Variants in ADAMTS17 observed in about 807,000 individuals in gnomAD.
The protein encoded by ADAMTS17 is ADAM metallopeptidase with thrombospondin type 1 motif 17.
In ADAMTS17, 113 loss-of-function variants were observed where a neutral mutation model predicts 141.5. That is an observed-to-expected ratio of 0.80 (90% CI 0.69 to 0.93). The LOEUF (loss-of-function observed/expected upper bound fraction) is 0.93, where lower values mean the gene tolerates loss of function less well. ADAMTS17 is among the 40% of genes least tolerant of loss of function. The probability of loss-of-function intolerance (pLI) is 0.00; values close to 1 mark genes in which losing one functional copy is unlikely to be tolerated. For synonymous variants in ADAMTS17, 768 were observed against 630.6 expected (o/e 1.22, Z -3.27); for missense variants, 1,659 against 1,517.9 (o/e 1.09, Z -1.54).
chr15:100,085,341 T>C (rs2035028548), intron 15 of ADAMTS17, among the ~76,000 whole-genome samples: 1 of 144,924 alleles, frequency 6.9e-6, no homozygotes, highest in Admixed American at 6.9e-5. Flanking sequence ...TATGGGACTA[T>C]GTGAAAAGAC....
At position 100,060,351 on chromosome 15, in the gene ADAMTS17, G is replaced by A. The variant is rs192896737; in HGVS notation, c.2138-6297C>T. On this transcript the variant is annotated intron_variant, in intron 15 of 21. Coordinates refer to ENST00000268070, the MANE Select transcript of ADAMTS17 (RefSeq NM_139057.4). Reference sequence around the variant, plus strand: ...AGAACAAAACCTTTGCAATGAGCTGGAGTGTGAGGTTACATGCAGAACGTC... The same window carrying A: ...AGAACAAAACCTTTGCAATGAGCTGAAGTGTGAGGTTACATGCAGAACGTC... 1.3e-3 allele frequency among the ~76,000 whole-genome samples: 205 copies of A among 152,342 alleles called. 1 individual carries two copies. The highest frequency in any genetic ancestry group is 4.8e-3 in the African/African-American group (200 of 41,588).
chr15:100,167,409 C>T (rs986686986), intron 8 of ADAMTS17, among the ~76,000 whole-genome samples: 3 of 152,168 alleles, frequency 2.0e-5, no homozygotes, highest in Non-Finnish European at 1.5e-5. Flanking sequence ...TTAATTTACA[C>T]CCAGTTTACC....
intron 13 of ADAMTS17, among the ~76,000 whole-genome samples, chr15:100,114,199 GAACA>G (rs1349526410): frequency 7.1e-6 from 1 of 140,490 alleles, no homozygotes; most frequent in East Asian, 2.1e-4. Flanking sequence ...GGAAAAAAAA[GAACA>G]AAAATACAGC....
chr15:100,111,072 C>T (rs1402203694), intron 13 of ADAMTS17, among the ~76,000 whole-genome samples: 2 of 152,148 alleles, frequency 1.3e-5, no homozygotes, highest in Non-Finnish European at 2.9e-5. Context: ...AAACATCTGC[C>T]CACGAGAAGA....
Position 100,037,404 on chromosome 15 carries a change from C to CT in ADAMTS17, c.2591+11452dup, listed in dbSNP as rs544467796. 3.6e-3 allele frequency among the ~76,000 whole-genome samples: 510 copies of CT among 142,550 alleles called. 2 individuals are homozygous for CT. The highest frequency in any genetic ancestry group is 7.3e-3 in the Middle Eastern group (2 of 274). The allele number at this position is 142,550 out of a possible 152,430, so 93.5% of individuals were successfully genotyped here. A position where few individuals can be genotyped will look rare whatever the true frequency, so the allele number is the denominator to read the frequency against. Reference sequence around the variant, plus strand: ...AGCTGTAGTAGCTCTTTAGGTATTCCTTTTTTTTTTTTTTTCTTCTTTTTG... The same window carrying CT: ...AGCTGTAGTAGCTCTTTAGGTATTCCTTTTTTTTTTTTTTTTCTTCTTTTTG... On this transcript the variant is annotated intron_variant, in intron 18 of 21. Transcript: ENST00000268070.
chr15:100,076,219 T>G (rs929743082), intron 15 of ADAMTS17, among the ~76,000 whole-genome samples: 2 of 152,028 alleles, frequency 1.3e-5, no homozygotes, highest in Admixed American at 6.6e-5. Context: ...ATTTTTGTAT[T>G]TTTAGTAGAG....
At chr15:100,182,855 C>G (rs1021578229) in intron 8 of ADAMTS17, among the ~76,000 whole-genome samples, 5 of 152,166 alleles carry the variant, frequency 3.3e-5, no homozygotes, top group Admixed American at 6.5e-5. Context: ...TAGAGCTTAT[C>G]CTATTTGGGA....
intron 8 of ADAMTS17, among the ~76,000 whole-genome samples, chr15:100,186,113 A>T (rs1172363348): frequency 6.6e-6 from 1 of 152,162 alleles, no homozygotes; most frequent in Non-Finnish European, 1.5e-5. Flanking sequence ...AGGTCCTGGG[A>T]TCAATGAGTA....
At chr15:100,002,748 C>T (rs774696750) in intron 18 of ADAMTS17, among the ~76,000 whole-genome samples, 5 of 152,120 alleles carry the variant, frequency 3.3e-5, no homozygotes, top group Admixed American at 6.6e-5. Context: ...GAGATTCCTG[C>T]AGAGCAGTGA....
intron 7 of ADAMTS17, among the ~76,000 whole-genome samples, chr15:100,224,197 C>T (rs1290601178): frequency 6.6e-6 from 1 of 152,182 alleles, no homozygotes; most frequent in East Asian, 1.9e-4. Flanking sequence ...GTCAAGTTGA[C>T]ACTCGGTATT....
chr15:100,098,580 T>A (rs1407989540), intron 14 of ADAMTS17, among the ~76,000 whole-genome samples: 2 of 151,858 alleles, frequency 1.3e-5, no homozygotes, highest in Admixed American at 1.3e-4. Context: ...GGAGAGTAGC[T>A]TGAACCTGGG....
intron 2 of ADAMTS17, among the ~76,000 whole-genome samples, chr15:100,334,949 T>C (rs1393069342): frequency 1.3e-5 from 2 of 151,978 alleles, no homozygotes; most frequent in Non-Finnish European, 2.9e-5. Flanking sequence ...CCTGGTCACC[T>C]CCCTGCTCTA....
At chr15:100,191,662 T>G (rs1213322861) in intron 8 of ADAMTS17, among the ~76,000 whole-genome samples, 1 of 152,226 alleles carries the variant, frequency 6.6e-6, no homozygotes, top group Non-Finnish European at 1.5e-5. Flanking sequence ...AGTAGGGCCA[T>G]TTAGACAGAG....
At chr15:100,187,173 G>A (rs558119068) in intron 8 of ADAMTS17, among the ~76,000 whole-genome samples, 1 of 152,300 alleles carries the variant, frequency 6.6e-6, no homozygotes, top group African/African-American at 2.4e-5. Flanking sequence ...GACTTGCTGG[G>A]CCATTGAGAC....
chr15:100,292,619 C>G (rs2044684814), intron 3 of ADAMTS17, among the ~76,000 whole-genome samples: 1 of 152,198 alleles, frequency 6.6e-6, no homozygotes, highest in Non-Finnish European at 1.5e-5. Context: ...ATACTAACCC[C>G]ATGTGCACAG....
chr15:100,281,180 C>T, intron 4 of ADAMTS17, 49 bp downstream of exon 4: 1 of 1,597,892 alleles, frequency 6.3e-7, no homozygotes, highest in Non-Finnish European at 8.5e-7. Flanking sequence ...GATCTCTCAT[C>T]AAGGAGAAAA....
chr15:100,242,576 T>A (rs2141903238), intron 7 of ADAMTS17, among the ~76,000 whole-genome samples: 1 of 152,146 alleles, frequency 6.6e-6, no homozygotes, highest in East Asian at 1.9e-4. Context: ...CACTGCAGCC[T>A]CTCCCATCCT....
chr15:100,253,080 C>T (rs1344333838), intron 7 of ADAMTS17, among the ~76,000 whole-genome samples: 1 of 151,878 alleles, frequency 6.6e-6, no homozygotes, highest in Non-Finnish European at 1.5e-5. Flanking sequence ...ATTTTTCACA[C>T]CTATACTGTT....
chr15:100,037,488 G>A (rs773376878), intron 18 of ADAMTS17, among the ~76,000 whole-genome samples: 12 of 148,904 alleles, frequency 8.1e-5, no homozygotes, highest in Non-Finnish European at 1.6e-4. Flanking sequence ...TCGGCTCACT[G>A]CAACCTTCGC....
Sources: allele counts gnomAD v4.1 joint callset (sites outside exome capture counted in the v4.1 genomes callset), GRCh38; gene constraint gnomAD v4.1.1; transcripts MANE v1.5; gene names NCBI Gene and HGNC (gene_info 2026-07-23, HGNC 2026-07-21).